CNKSR2: variants seen among roughly 807,000 people sequenced by gnomAD.
The protein encoded by CNKSR2 is connector enhancer of kinase suppressor of Ras 2, also known as CNK homolog protein 2.
A neutral mutation model predicts 84.4 loss-of-function variants in CNKSR2; 14 were observed. The ratio of observed to expected loss-of-function variants is 0.17; its 90% confidence interval spans 0.11 to 0.26. The LOEUF (loss-of-function observed/expected upper bound fraction) is 0.26, where lower values mean the gene tolerates loss of function less well. CNKSR2 is among the 10% of genes least tolerant of loss of function. CNKSR2 has a pLI of 1.00. For missense variants in CNKSR2, 485 were observed against 771.2 expected (o/e 0.63, Z 4.40); for synonymous variants, 275 against 277.9 (o/e 0.99, Z 0.10).
intron 2 of CNKSR2, 96 bp from the exon 3 acceptor site, chrX:21,432,516 A>C (rs2090647443): frequency 1.7e-6 from 1 of 601,686 alleles, no homozygotes; most frequent in South Asian, 2.8e-5. Flanking sequence ...CTCGAATGCT[A>C]CCCCATTGCC....
chrX:21,555,470 A>T (rs1474383761), intron 11 of CNKSR2, among the ~76,000 whole-genome samples: 1 of 111,434 alleles, frequency 9.0e-6, no homozygotes, highest in Non-Finnish European at 1.9e-5. Flanking sequence ...TTTAAAAATT[A>T]CTGACTTTCC....
At chrX:21,609,752 T>C in intron 20 of CNKSR2, 135 bp downstream of exon 20, 1 of 846,034 alleles carries the variant, frequency 1.2e-6, no homozygotes, top group Non-Finnish European at 1.6e-6. Flanking sequence ...AAGTTAGGTC[T>C]CCCTTGGTGA....
At chrX:21,458,744 TCTCTCC>T (rs1161071593) in intron 4 of CNKSR2, among the ~76,000 whole-genome samples, 2 of 110,647 alleles carry the variant, frequency 1.8e-5, no homozygotes, top group East Asian at 5.7e-4. Context: ...TTTTTCTTTT[TCTCTCC>T]CTCTTCCCAC....
intron 13 of CNKSR2, among the ~76,000 whole-genome samples, chrX:21,588,844 A>G (rs73451489): frequency 0.038 from 4,287 of 111,592 alleles, 201 homozygotes; most frequent in African/African-American, 0.13. Flanking sequence ...CATTTTTCAA[A>G]ATAATGAGCT....
At chrX:21,530,785 CATAAA>C (rs1236040047) in intron 10 of CNKSR2, among the ~76,000 whole-genome samples, 4 of 110,781 alleles carry the variant, frequency 3.6e-5, no homozygotes, top group East Asian at 2.9e-4. Context: ...TGAAACATGT[CATAAA>C]ATAAACAAGA....
intron 8 of CNKSR2, chrX:21,505,056 A>G (rs1201469536): frequency 8.1e-6 from 2 of 246,968 alleles, no homozygotes; most frequent in Non-Finnish European, 1.4e-5. Context: ...CTTTTAACAC[A>G]TTTTTTTAGC....
chrX:21,468,785 A>T (rs995622764), intron 4 of CNKSR2: 1 of 111,641 alleles, frequency 9.0e-6, no homozygotes, highest in Admixed American at 9.5e-5. Flanking sequence ...CATATTATTT[A>T]ACTTCTTCAA....
chrX:21,641,806 G>C (rs1278709563), intron 20 of CNKSR2: 2 of 982,875 alleles, frequency 2.0e-6, no homozygotes, highest in East Asian at 4.0e-5. Flanking sequence ...AGAGGGGCAG[G>C]CCACTCTTAA....
chrX:21,589,805 A>C (rs1237156390), intron 13 of CNKSR2, among the ~76,000 whole-genome samples: 1 of 111,875 alleles, frequency 8.9e-6, no homozygotes, highest in Admixed American at 9.5e-5. Flanking sequence ...ATGGAAACTA[A>C]GAGGAAAGAA....
chrX:21,604,655 C>T (rs899390440), intron 18 of CNKSR2, among the ~76,000 whole-genome samples: 3 of 111,019 alleles, frequency 2.7e-5, no homozygotes, highest in Non-Finnish European at 3.8e-5. Context: ...GAGGTATTAA[C>T]GCCTTGAAGG....
intron 11 of CNKSR2, among the ~76,000 whole-genome samples, chrX:21,546,781 T>G (rs979144159): frequency 8.1e-5 from 9 of 111,769 alleles, no homozygotes; most frequent in African/African-American, 2.9e-4. Context: ...CATTCAACAT[T>G]CTTAAAGAAA....
chrX:21,537,065 A>G (rs746517865), intron 11 of CNKSR2, among the ~76,000 whole-genome samples: 2 of 109,448 alleles, frequency 1.8e-5, no homozygotes, highest in East Asian at 5.8e-4. Context: ...GTTTTTGTAT[A>G]TTGTATTTCT....
At chrX:21,574,860 T>A (rs963807719) in intron 13 of CNKSR2, among the ~76,000 whole-genome samples, 5 of 111,974 alleles carry the variant, frequency 4.5e-5, no homozygotes, top group Non-Finnish European at 7.5e-5. Context: ...TAACCTATAG[T>A]TTTCAGTGGC....
rs1276873852 is a variant in CNKSR2, at chrX:21,595,411, G to A, written c.1976+16G>A. On this transcript the variant is annotated intron_variant, in intron 17 of 21. Coordinates refer to ENST00000379510, the MANE Select transcript of CNKSR2 (RefSeq NM_014927.5). The stretch of plus-strand genomic sequence containing the variant: ...ATATGAACAGGTAAAGTATTTCAGA[G>A]TATGTAGAAGGTCAGTGAGGCCTAG... The A allele has an allele frequency of 2.9e-6, 3 of 1,022,816 alleles. No individual in the cohort carries two copies. The highest frequency in any genetic ancestry group is 1.4e-6 in the Non-Finnish European group (1 of 733,298). The allele number at this position is 1,022,816 out of a possible 1,213,427, so 84.3% of individuals were successfully genotyped here.
intron 4 of CNKSR2, among the ~76,000 whole-genome samples, chrX:21,466,003 G>A (rs1386550100): frequency 1.8e-5 from 2 of 111,649 alleles, no homozygotes; most frequent in African/African-American, 3.3e-5. Flanking sequence ...CAAGAAACAC[G>A]CCTCATTTTT....
intron 1 of CNKSR2, among the ~76,000 whole-genome samples, chrX:21,390,062 A>G (rs1646839114): frequency 8.9e-6 from 1 of 112,135 alleles, no homozygotes; most frequent in African/African-American, 3.2e-5. Context: ...ACTCTCAGAC[A>G]GAAGAGTGTG....
At chrX:21,536,367 G>T (rs1201160499) in intron 11 of CNKSR2, among the ~76,000 whole-genome samples, 1 of 110,858 alleles carries the variant, frequency 9.0e-6, no homozygotes, top group Non-Finnish European at 1.9e-5. Flanking sequence ...GCTACTGCTG[G>T]CCTCATAGAA....
chrX:21,419,664 A>G (rs2090468087), intron 1 of CNKSR2, among the ~76,000 whole-genome samples: 2 of 111,764 alleles, frequency 1.8e-5, no homozygotes, highest in South Asian at 7.6e-4. Context: ...GGCCTCCTTG[A>G]TGATCTTGGA....
intron 7 of CNKSR2, among the ~76,000 whole-genome samples, chrX:21,499,907 A>G (rs752747063): frequency 5.3e-4 from 59 of 110,960 alleles, no homozygotes; most frequent in Middle Eastern, 4.7e-3. Context: ...TTTATATACT[A>G]TCATTTTCTT....
Sources: gnomAD v4.1 joint callset for allele counts (sites outside exome capture counted in the v4.1 genomes callset) on GRCh38, gnomAD v4.1.1 for gene constraint, MANE v1.5 for transcripts, NCBI Gene and HGNC (gene_info 2026-07-23, HGNC 2026-07-21) for gene names.